Variants in XPR1 observed in about 807,000 individuals in gnomAD.
XPR1 encodes xenotropic and polytropic retrovirus receptor 1.
In XPR1, 28 loss-of-function variants were observed where a neutral mutation model predicts 87.5. The observed-to-expected ratio is 0.32, with a 90% CI of 0.24 to 0.44. The LOEUF (loss-of-function observed/expected upper bound fraction) is 0.44. Ranked by LOEUF, XPR1 falls within the 20% of genes least tolerant of loss-of-function variation. The pLI is 1.00. For missense variants in XPR1, 559 were observed against 862.3 expected (o/e 0.65, Z 4.41); for synonymous variants, 300 against 306.1 (o/e 0.98, Z 0.21).
intron 11 of XPR1, among the ~76,000 whole-genome samples, chr1:180,845,949 C>A (rs1016690123): frequency 7.9e-5 from 12 of 152,102 alleles, no homozygotes; most frequent in African/African-American, 2.9e-4. Context: ...GTGTTGTATC[C>A]TTTTTTAGGT....
At chr1:180,712,612 T>G (rs1170603682) in intron 2 of XPR1, among the ~76,000 whole-genome samples, 1 of 151,946 alleles carries the variant, frequency 6.6e-6, no homozygotes, top group Non-Finnish European at 1.5e-5. Flanking sequence ...TCAAGACCAG[T>G]CTGATCAATA....
chr1:180,852,576 T>G (rs1651899208), intron 11 of XPR1, among the ~76,000 whole-genome samples: 1 of 152,156 alleles, frequency 6.6e-6, no homozygotes, highest in Non-Finnish European at 1.5e-5. Context: ...TGAGACAGGG[T>G]CTCACTCTGT....
At chr1:180,878,945 A>G (rs576244625) in intron 13 of XPR1, among the ~76,000 whole-genome samples, 5 of 152,232 alleles carry the variant, frequency 3.3e-5, no homozygotes, top group South Asian at 2.1e-4. Flanking sequence ...ATTATGTGAA[A>G]TACTGTCTTT....
chr1:180,741,330 A>G (rs181079890), intron 2 of XPR1, among the ~76,000 whole-genome samples: 1 of 151,654 alleles, frequency 6.6e-6, no homozygotes, highest in East Asian at 1.9e-4. Flanking sequence ...CGCCGAGCTA[A>G]TTTTTTTGTA....
chr1:180,816,252 CAT>C (rs1650406584), intron 7 of XPR1, among the ~76,000 whole-genome samples: 1 of 152,226 alleles, frequency 6.6e-6, no homozygotes, highest in Non-Finnish European at 1.5e-5. Context: ...GTTAGATTCT[CAT>C]AAGGAGCGCG....
At chr1:180,878,928 T>C (rs1335101531) in intron 13 of XPR1, among the ~76,000 whole-genome samples, 1 of 152,228 alleles carries the variant, frequency 6.6e-6, no homozygotes, top group Non-Finnish European at 1.5e-5. Flanking sequence ...GTATTATTCC[T>C]AAACCTATTA....
In XPR1 at chr1:180,885,785, T is replaced by C. The variant is rs1001929112; in HGVS notation, c.*1719T>C. 7 of 152,228 alleles carry C rather than the reference T, an allele frequency of 4.6e-5. No individual in the cohort carries two copies. Among genetic ancestry groups the C allele is most frequent in the Admixed American group, 1.3e-4 (2 of 15,286 alleles). 9.4% of individuals were successfully genotyped at this position (152,228 alleles called of 1,614,324 possible). On this transcript the variant is annotated 3_prime_UTR_variant, in exon 15 of 15. Transcript: ENST00000367590. ...AAAACATTCGGTTACTGCCCTTTAATACACTCCTATCATCAGCACTTCCAC... is the reference window on the plus strand; with the variant it reads ...AAAACATTCGGTTACTGCCCTTTAACACACTCCTATCATCAGCACTTCCAC...
chr1:180,717,849 C>T (rs1001269437), intron 2 of XPR1, among the ~76,000 whole-genome samples: 3 of 152,100 alleles, frequency 2.0e-5, no homozygotes, highest in African/African-American at 7.2e-5. Context: ...TAGCACACTA[C>T]TATTAGGTTG....
chr1:180,670,645 T>C (rs1571705594), intron 1 of XPR1, among the ~76,000 whole-genome samples: 2 of 152,376 alleles, frequency 1.3e-5, no homozygotes, highest in Admixed American at 6.5e-5. Context: ...TTAAGAACTG[T>C]TGTTACAATA....
At chr1:180,786,521 A>G (rs888164511) in intron 2 of XPR1, among the ~76,000 whole-genome samples, 1 of 152,176 alleles carries the variant, frequency 6.6e-6, no homozygotes, top group East Asian at 1.9e-4. Context: ...GAGTCTAAAT[A>G]GATCTCACTT....
At chr1:180,758,808 C>T (rs1647866439) in intron 2 of XPR1, 1 of 152,294 alleles carries the variant, frequency 6.6e-6, no homozygotes, top group South Asian at 2.1e-4. Flanking sequence ...GTGAAGCGTT[C>T]CATTTCTTTT....
chr1:180,708,882 T>C (rs1285552254), intron 2 of XPR1, among the ~76,000 whole-genome samples: 1 of 139,082 alleles, frequency 7.2e-6, no homozygotes, highest in African/African-American at 2.7e-5. Context: ...TGTAGTCTTA[T>C]AAGCATGTAA....
chr1:180,692,740 CAGAA>C (rs1428936057), intron 2 of XPR1, among the ~76,000 whole-genome samples: 1 of 151,960 alleles, frequency 6.6e-6, no homozygotes, highest in Non-Finnish European at 1.5e-5. Flanking sequence ...TTCTTTTTCA[CAGAA>C]AGAGAATTAG....
chr1:180,711,878 T>C (rs1571754386), intron 2 of XPR1, among the ~76,000 whole-genome samples: 1 of 152,336 alleles, frequency 6.6e-6, no homozygotes, highest in East Asian at 1.9e-4. Context: ...GTTAATTTTT[T>C]GTATGTGGTG....
intron 2 of XPR1, among the ~76,000 whole-genome samples, chr1:180,732,208 AAAG>A (rs1270559917): frequency 2.0e-5 from 3 of 151,792 alleles, no homozygotes; most frequent in Non-Finnish European, 2.9e-5. Context: ...AAAAAAAAAA[AAAG>A]AAGTAAAATA....
At chr1:180,809,009 A>C (rs1204905499) in intron 6 of XPR1, among the ~76,000 whole-genome samples, 8 of 152,216 alleles carry the variant, frequency 5.3e-5, no homozygotes, top group Non-Finnish European at 1.0e-4. Flanking sequence ...AAACAACCCA[A>C]ATGTCTATCA....
chr1:180,820,688 G>C (rs915024046), intron 7 of XPR1, among the ~76,000 whole-genome samples: 2 of 152,156 alleles, frequency 1.3e-5, no homozygotes, highest in African/African-American at 4.8e-5. Flanking sequence ...AGCAGTTTAT[G>C]AGGATTCTGT....
chr1:180,657,446 C>A (rs980521601), intron 1 of XPR1, among the ~76,000 whole-genome samples: 4 of 152,100 alleles, frequency 2.6e-5, no homozygotes, highest in Non-Finnish European at 5.9e-5. Context: ...AGCCTTTAAT[C>A]CACTTTTATT....
chr1:180,845,441 T>C (rs1483010478), intron 11 of XPR1, among the ~76,000 whole-genome samples: 3 of 152,248 alleles, frequency 2.0e-5, no homozygotes, highest in Admixed American at 2.0e-4. Flanking sequence ...CTGCATAGTA[T>C]ATGAAATATT....
Sources: allele counts gnomAD v4.1 joint callset (sites outside exome capture counted in the v4.1 genomes callset), GRCh38; gene constraint gnomAD v4.1.1; transcripts MANE v1.5; gene names NCBI Gene and HGNC (gene_info 2026-07-23, HGNC 2026-07-21).